TRERF1: variants seen among roughly 807,000 people sequenced by gnomAD.
TRERF1 encodes transcriptional regulating factor 1.
TRERF1 carries 27 observed loss-of-function variants against 122.9 expected under a neutral mutation model. That is an observed-to-expected ratio of 0.22 (90% CI 0.16 to 0.30). TRERF1 has a LOEUF of 0.30. Among genes scored for constraint, TRERF1 ranks in the 10% least tolerant of loss-of-function variants. TRERF1 has a pLI of 1.00. For synonymous variants in TRERF1, 636 were observed against 641.7 expected (o/e 0.99, Z 0.13); for missense variants, 1,248 against 1,560.3 (o/e 0.80, Z 3.37).
chr6:42,300,852 C>T (rs184360014), intron 3 of TRERF1, 103 bp from the exon 4 acceptor site: 43 of 152,570 alleles, frequency 2.8e-4, no homozygotes, highest in East Asian at 5.8e-4. Context: ...GGGAAATTCC[C>T]GAGGCTGTCC....
chr6:42,363,410 C>T (rs376254907), intron 2 of TRERF1, among the ~76,000 whole-genome samples: 1 of 152,330 alleles, frequency 6.6e-6, no homozygotes, highest in East Asian at 1.9e-4. Context: ...TCCAGACCCT[C>T]ACCGTTTCTC....
chr6:42,439,856 G>GTCCTGTGAACTTCT (rs1562215907), intron 2 of TRERF1, among the ~76,000 whole-genome samples: 1 of 152,208 alleles, frequency 6.6e-6, no homozygotes, highest in East Asian at 1.9e-4. Flanking sequence ...CAGACAGTAT[G>GTCCTGTGAACTTCT]TCCTGTGAAC....
intron 4 of TRERF1, among the ~76,000 whole-genome samples, chr6:42,277,186 G>A (rs1188773791): frequency 6.6e-6 from 1 of 152,144 alleles, no homozygotes; most frequent in East Asian, 1.9e-4. Flanking sequence ...TAAATTCCTG[G>A]AGGAGGCAGC....
chr6:42,316,419 A>G (rs1387434475), intron 3 of TRERF1, among the ~76,000 whole-genome samples: 3 of 152,184 alleles, frequency 2.0e-5, no homozygotes, highest in Admixed American at 2.0e-4. Flanking sequence ...ACTGCCTCAT[A>G]GTGACTTTGT....
intron 3 of TRERF1, among the ~76,000 whole-genome samples, chr6:42,314,632 C>CT (rs1762192240): frequency 6.6e-6 from 1 of 152,116 alleles, no homozygotes; most frequent in Non-Finnish European, 1.5e-5. Flanking sequence ...TATTAGATGG[C>CT]TGTAGATGCT....
At chr6:42,321,021 C>A (rs75726021) in intron 3 of TRERF1, among the ~76,000 whole-genome samples, 1 of 151,856 alleles carries the variant, frequency 6.6e-6, no homozygotes, top group African/African-American at 2.4e-5. Flanking sequence ...GACTCAGAGA[C>A]GCCAGAACAA....
At chr6:42,436,424 T>A (rs1380730432) in intron 2 of TRERF1, among the ~76,000 whole-genome samples, 1 of 152,150 alleles carries the variant, frequency 6.6e-6, no homozygotes. Flanking sequence ...AAATATTTAA[T>A]TAGTAAGTAT....
chr6:42,228,912 G>C lies in TRERF1; in HGVS notation c.3279-243C>G, dbSNP rs1395519659. Among the ~76,000 whole-genome samples the C allele has an allele frequency of 6.6e-6, 1 of 152,162 alleles. No homozygotes were observed. Among genetic ancestry groups the C allele is most frequent in the Non-Finnish European group, 1.5e-5 (1 of 68,020 alleles). On this transcript the variant is annotated intron_variant, in intron 17 of 17. Transcript: ENST00000372922. The surrounding 1 kb of genome is among the most constrained non-coding windows in gnomAD (Gnocchi z 4.2). Reference sequence around the variant, plus strand: ...GCTTCCTTCCTGTGACAATGGAGGAGGAATTCTCAAAGGCCTCCTGTCCAC... The same window carrying C: ...GCTTCCTTCCTGTGACAATGGAGGACGAATTCTCAAAGGCCTCCTGTCCAC...
chr6:42,240,441 C>T (rs1027015031), intron 15 of TRERF1, among the ~76,000 whole-genome samples: 4 of 152,216 alleles, frequency 2.6e-5, no homozygotes, highest in African/African-American at 9.7e-5. Flanking sequence ...TCATTTAAAT[C>T]ATCTGGCCAT....
chr6:42,290,663 C>T (rs994465095), intron 4 of TRERF1, among the ~76,000 whole-genome samples: 1 of 148,892 alleles, frequency 6.7e-6, no homozygotes, highest in East Asian at 2.0e-4. Context: ...AAGTGGCAAT[C>T]TCACAGCAAG....
chr6:42,294,061 G>C (rs1377712972), intron 4 of TRERF1, among the ~76,000 whole-genome samples: 1 of 152,162 alleles, frequency 6.6e-6, no homozygotes, highest in Non-Finnish European at 1.5e-5. Flanking sequence ...GGGAAACAAT[G>C]CTAGAAGTCA....
At chr6:42,251,328 G>A (rs1454875703) in intron 13 of TRERF1, among the ~76,000 whole-genome samples, 1 of 152,156 alleles carries the variant, frequency 6.6e-6, no homozygotes, top group South Asian at 2.1e-4. Flanking sequence ...ACACAAGACA[G>A]ACATGTTCAT....
Position 42,228,712 on chromosome 6 carries a change from T to C in TRERF1, c.3279-43A>G, listed in dbSNP as rs902058641. On this transcript the variant is annotated intron_variant, in intron 17 of 17. Coordinates refer to ENST00000372922, the Ensembl canonical transcript of TRERF1. This position sits in a 1 kb window ranked among gnomAD's most constrained non-coding sequence, Gnocchi z 4.2. ...GAGGTGTGTAGAATTTAGAAGGAGA[T>C]CTGAGTTCTTGGAAATCCAGGTGTC... The C allele has an allele frequency of 3.3e-6, 5 of 1,528,476 alleles. No homozygotes were observed. The highest frequency in any genetic ancestry group is 1.8e-4 in the Middle Eastern group (1 of 5,644). The allele number at this position is 1,528,476 out of a possible 1,614,324, so 94.7% of individuals were successfully genotyped here.
chr6:42,429,225 T>G (rs1012023949), intron 2 of TRERF1, among the ~76,000 whole-genome samples: 1 of 152,246 alleles, frequency 6.6e-6, no homozygotes, highest in Non-Finnish European at 1.5e-5. Context: ...CTCTCCAGTC[T>G]GCTTCCTTTT....
exon 18 of TRERF1, chr6:42,225,854 GTTAAC>G (rs1769435600): frequency 6.6e-6 from 1 of 151,968 alleles, no homozygotes; most frequent in South Asian, 2.1e-4. Flanking sequence ...AAATATATCT[GTTAAC>G]TTTTTATATA....
At chr6:42,327,305 AG>A (rs1301556233) in intron 3 of TRERF1, among the ~76,000 whole-genome samples, 1 of 152,184 alleles carries the variant, frequency 6.6e-6, no homozygotes, top group Non-Finnish European at 1.5e-5. Flanking sequence ...AACCCAGAGG[AG>A]GAGCTGGGGG....
intron 2 of TRERF1, among the ~76,000 whole-genome samples, chr6:42,449,174 A>C (rs1194742973): frequency 1.3e-5 from 2 of 152,254 alleles, no homozygotes; most frequent in Non-Finnish European, 2.9e-5. Flanking sequence ...GCTATGTGGA[A>C]GCCTGCTTAC....
At chr6:42,273,865 T>C (rs1037340776) in intron 4 of TRERF1, among the ~76,000 whole-genome samples, 3 of 152,212 alleles carry the variant, frequency 2.0e-5, no homozygotes, top group African/African-American at 7.2e-5. Flanking sequence ...TTGAGCACTA[T>C]TGATTTCATG....
intron 3 of TRERF1, among the ~76,000 whole-genome samples, chr6:42,332,341 T>C (rs2150584360): frequency 6.6e-6 from 1 of 152,292 alleles, no homozygotes; most frequent in Admixed American, 6.5e-5. Flanking sequence ...AAGAACGCGG[T>C]GCCCACTCCA....
Sources: allele counts gnomAD v4.1 joint callset (sites outside exome capture counted in the v4.1 genomes callset), GRCh38; gene constraint gnomAD v4.1.1; non-coding constraint Gnocchi (gnomAD v3.1); transcripts MANE v1.5; gene names NCBI Gene and HGNC (gene_info 2026-07-23, HGNC 2026-07-21).